Variants in DMXL2 observed in about 807,000 individuals in gnomAD.
DMXL2 encodes Dmx like 2, also known as dmX-like protein 2.
Under a neutral mutation model 331.1 loss-of-function variants are expected in DMXL2, and 103 were observed. That is an observed-to-expected ratio of 0.31 (90% CI 0.27 to 0.37). DMXL2 has a LOEUF of 0.37. Ranked by LOEUF, DMXL2 falls within the 10% of genes least tolerant of loss-of-function variation. DMXL2 has a pLI of 1.00. For missense variants in DMXL2, 3,171 were observed against 3,642.9 expected (o/e 0.87, Z 3.33); for synonymous variants, 1,281 against 1,252.1 (o/e 1.02, Z -0.49).
intron 1 of DMXL2, among the ~76,000 whole-genome samples, chr15:51,604,836 T>A (rs961890988): frequency 1.1e-4 from 16 of 152,212 alleles, no homozygotes; most frequent in African/African-American, 3.9e-4. Context: ...TACTCAATTA[T>A]AAGACTTACC....
chr15:51,487,073 T>C (rs1398847992), intron 22 of DMXL2, among the ~76,000 whole-genome samples: 1 of 152,204 alleles, frequency 6.6e-6, no homozygotes, highest in African/African-American at 2.4e-5. Flanking sequence ...CCTGTTCATA[T>C]TGTTCATGAT....
intron 20 of DMXL2, among the ~76,000 whole-genome samples, chr15:51,490,109 T>C (rs77010785): frequency 0.025 from 3,817 of 152,348 alleles, 166 homozygotes; most frequent in African/African-American, 0.087. Context: ...TCACATTTTT[T>C]AGTTGGTGCA....
At chr15:51,506,846 G>A (rs2046432079) in intron 16 of DMXL2, among the ~76,000 whole-genome samples, 1 of 151,998 alleles carries the variant, frequency 6.6e-6, no homozygotes, top group African/African-American at 2.4e-5. Flanking sequence ...TAGTTCTATG[G>A]ACATCTAGAA....
In DMXL2 at chr15:51,466,148, CA is replaced by C. The variant is rs10706765; in HGVS notation, c.7520+35del. 0.72 allele frequency: 985,877 copies of C among 1,368,728 alleles called. 345,218 individuals carry two copies. The highest frequency in any genetic ancestry group is 0.77 in the African/African-American group (50,528 of 65,730). 84.8% of individuals were successfully genotyped at this position (1,368,728 alleles called of 1,614,324 possible). A position where few individuals can be genotyped will look rare whatever the true frequency, so the allele number is the denominator to read the frequency against. On this transcript the variant is annotated intron_variant, in intron 30 of 43. Transcript: ENST00000560891. Reference sequence around the variant, plus strand: ...TGATATTTTCTACAAAAAGAAAAGCCAAAAAAAAAATGAGAGAAAGAAAAGT... The same window carrying C: ...TGATATTTTCTACAAAAAGAAAAGCCAAAAAAAAATGAGAGAAAGAAAAGT...
At chr15:51,612,290 G>A (rs1041194341) in intron 1 of DMXL2, among the ~76,000 whole-genome samples, 11 of 152,086 alleles carry the variant, frequency 7.2e-5, no homozygotes, top group African/African-American at 2.7e-4. Flanking sequence ...ATTTAATACT[G>A]CCAGGAAGAA....
Position 51,481,298 on chromosome 15 carries a change from T to C in DMXL2, c.5808A>G (p.Ser1936=). ...FISHRMDDVP[S]HSKALSDGNG... is the part of the protein sequence containing the mutation. ...TGCCATCACTCAGAGCTTTTGAATG[T>C]GAAGGTACATCATCCATCCTGTGAG... Residue 1936 remains serine, a synonymous_variant, in exon 24 of 44, where the codon TCA becomes TCG. Coordinates refer to ENST00000560891, the MANE Select transcript of DMXL2 (RefSeq NM_001378457.1). The C allele has an allele frequency of 6.2e-7, 1 of 1,614,112 alleles. No individual in the cohort carries two copies. Among genetic ancestry groups the C allele is most frequent in the Non-Finnish European group, 8.5e-7 (1 of 1,179,988 alleles).
At chr15:51,464,985 A>C in intron 31 of DMXL2, 109 bp from the exon 32 acceptor site, 1 of 986,174 alleles carries the variant, frequency 1.0e-6, no homozygotes. Context: ...AATACAAATA[A>C]ATCTGCAAAT....
intron 1 of DMXL2, among the ~76,000 whole-genome samples, chr15:51,588,648 T>G (rs999259145): frequency 2.0e-5 from 3 of 152,216 alleles, no homozygotes; most frequent in Non-Finnish European, 2.9e-5. Flanking sequence ...TGTTGATATT[T>G]TGAGGGAAAT....
chr15:51,455,312 C>T (rs1459186809), intron 39 of DMXL2, 84 bp from the exon 40 acceptor site: 4 of 1,115,174 alleles, frequency 3.6e-6, no homozygotes, highest in African/African-American at 3.1e-5. Flanking sequence ...TCACTAAGGC[C>T]CTACTAAATA....
chr15:51,622,347 G>C, intron 1 of DMXL2, 112 bp downstream of exon 1: 1 of 1,420,546 alleles, frequency 7.0e-7, no homozygotes, highest in South Asian at 1.3e-5. Flanking sequence ...CCACGGGTGG[G>C]GCCCACCAAC....
At chr15:51,581,091 G>A (rs1447401673) in intron 1 of DMXL2, among the ~76,000 whole-genome samples, 2 of 152,162 alleles carry the variant, frequency 1.3e-5, no homozygotes, top group African/African-American at 4.8e-5. Flanking sequence ...CCTACTACCA[G>A]TCCATGGCCT....
chr15:51,460,049 A>G (rs2039982115), intron 33 of DMXL2: 33 of 960,106 alleles, frequency 3.4e-5, no homozygotes, highest in Non-Finnish European at 4.0e-5. Context: ...ACAAATTAAA[A>G]TATTTATTTC....
chr15:51,614,976 C>A (rs1341746252), intron 1 of DMXL2, among the ~76,000 whole-genome samples: 3 of 152,110 alleles, frequency 2.0e-5, no homozygotes, highest in Admixed American at 6.6e-5. Flanking sequence ...CTGTCTTGCA[C>A]CAAGGTGGCA....
rs1410334240 is a variant in DMXL2, at chr15:51,499,937, A to G, written c.3287T>C (p.Val1096Ala). 6 of 1,614,012 alleles carry G rather than the reference A, an allele frequency of 3.7e-6. No homozygotes were observed. The Admixed American group carries it at 6.7e-5, about 18-fold the overall frequency. Residue 1096 changes from valine to alanine, a missense_variant, in exon 18 of 44, where the codon GTT (valine) becomes GCT (alanine). Val to Ala is a moderately conservative substitution (Grantham distance 64). Around this residue, in one of 7 missense-constraint regions of DMXL2, gnomAD observed 1,674 missense variants for 1,780.2 expected, o/e 0.94. Coordinates refer to ENST00000560891, the MANE Select transcript of DMXL2 (RefSeq NM_001378457.1). ...AACATGCATGGAAAATTCTTTAGAA[A>G]CAAAACCATTATGGTGGATAGGCTG... The part of the protein sequence containing the change: ...YKQPIHHNGF[V>A]SKEFSMHVCI...
chr15:51,568,501 G>C lies in DMXL2; in HGVS notation c.271C>G (p.His91Asp), dbSNP rs746697374. The change falls in exon 3 of 44, where the codon CAT becomes GAT. Residue 91 changes from histidine to aspartate, a missense_variant. Coordinates refer to ENST00000560891, the MANE Select transcript of DMXL2 (RefSeq NM_001378457.1). ...TTAATACTTACACAATTTCTTTTAT[G>C]AGAATTTATGCCCAAGGGCTCAAAT... Reference protein sequence around the residue: ...CIFEPLGINSHKRNCQLKCQW... With the variant: ...CIFEPLGINSDKRNCQLKCQW... 3.2e-6 allele frequency: 5 copies of C among 1,566,436 alleles called. No homozygotes were observed. Among genetic ancestry groups the C allele is most frequent in the Non-Finnish European group, 4.3e-6 (5 of 1,162,078 alleles).
At chr15:51,611,706 T>C (rs1019689121) in intron 1 of DMXL2, among the ~76,000 whole-genome samples, 1 of 152,170 alleles carries the variant, frequency 6.6e-6, no homozygotes, top group African/African-American at 2.4e-5. Context: ...TCCCCATCTA[T>C]GAAATTGAGA....
intron 3 of DMXL2, 135 bp from the exon 4 acceptor site, chr15:51,565,301 T>A (rs1470145820): frequency 3.7e-6 from 2 of 545,786 alleles, no homozygotes; most frequent in Non-Finnish European, 6.2e-6. Flanking sequence ...AATATTTCAC[T>A]ATTATTTTCA....
Position 51,622,646 on chromosome 15 carries a change from G to T in DMXL2, c.-101C>A, listed in dbSNP as rs2054734564. ...GCCGTTTCCCTCTGTGCCTCCCTCGGAAACCCGCCCCGCGGAGGCTCTGGC... is the reference window on the plus strand; with the variant it reads ...GCCGTTTCCCTCTGTGCCTCCCTCGTAAACCCGCCCCGCGGAGGCTCTGGC... On this transcript the variant is annotated 5_prime_UTR_variant, in exon 1 of 44. Coordinates refer to ENST00000560891, the MANE Select transcript of DMXL2 (RefSeq NM_001378457.1). 10 of 1,449,396 alleles carry T rather than the reference G, an allele frequency of 6.9e-6. No homozygotes were observed. Among genetic ancestry groups the T allele is most frequent in the Non-Finnish European group, 9.1e-6 (10 of 1,096,382 alleles). The allele number at this position is 1,449,396 out of a possible 1,614,324, so 89.8% of individuals were successfully genotyped here. A position where few individuals can be genotyped will look rare whatever the true frequency, so the allele number is the denominator to read the frequency against.
In DMXL2 at chr15:51,471,275, T is replaced by C. The variant is rs776700793; in HGVS notation, c.7340A>G (p.Lys2447Arg). 3 of 1,614,110 alleles carry C rather than the reference T, an allele frequency of 1.9e-6. No homozygotes were observed. The Admixed American group carries it at 5.0e-5, about 27-fold the overall frequency. ...AAGTTCGGGAGGAATAAATTTTTCT[T>C]TGTAAGATGGTCTTTCTGCAGGCAC... ...PPVPAERPSY[K>R]EKFIPPELSM... Residue 2447 changes from lysine to arginine, a missense_variant, in exon 29 of 44, where the codon AAA becomes AGA. Around this residue, in one of 7 missense-constraint regions of DMXL2, gnomAD observed 766 missense variants for 940.5 expected, o/e 0.81. Transcript: ENST00000560891.
Sources: gnomAD v4.1 joint callset for allele counts (sites outside exome capture counted in the v4.1 genomes callset) on GRCh38, gnomAD v4.1.1 for gene constraint, gnomAD v4.1.1 regional missense constraint, MANE v1.5 for transcripts, NCBI Gene and HGNC (gene_info 2026-07-23, HGNC 2026-07-21) for gene names.